MIR2052HG: variants seen among roughly 807,000 people sequenced by gnomAD.
MIR2052HG encodes MIR2052 host gene.
intron 2 of MIR2052HG, among the ~76,000 whole-genome samples, chr8:74,672,921 A>C (rs1809008247): frequency 6.6e-6 from 1 of 152,032 alleles, no homozygotes; most frequent in African/African-American, 2.4e-5. Flanking sequence ...GCAGTGGAGT[A>C]AGTTCCATGC....
intron 4 of MIR2052HG, among the ~76,000 whole-genome samples, chr8:74,738,019 A>G (rs1374163268): frequency 1.3e-5 from 2 of 152,062 alleles, no homozygotes; most frequent in Non-Finnish European, 2.9e-5. Context: ...TTATCTATGT[A>G]TGTATATATC....
chr8:74,690,526 T>C (rs1003297957), intron 2 of MIR2052HG, among the ~76,000 whole-genome samples: 16 of 152,014 alleles, frequency 1.1e-4, no homozygotes, highest in Admixed American at 5.2e-4. Context: ...CGGGCGCCTG[T>C]AGTCCCAGCT....
At chr8:74,672,617 A>G (rs1173482580) in intron 2 of MIR2052HG, among the ~76,000 whole-genome samples, 1 of 152,092 alleles carries the variant, frequency 6.6e-6, no homozygotes, top group Non-Finnish European at 1.5e-5. Flanking sequence ...GAACACTGAC[A>G]GGCAGCAATG....
intron 2 of MIR2052HG, among the ~76,000 whole-genome samples, chr8:74,696,803 G>T (rs1285994663): frequency 6.6e-6 from 1 of 151,342 alleles, no homozygotes; most frequent in Non-Finnish European, 1.5e-5. Context: ...CCAGTAGCAA[G>T]CAGCAAGATT....
chr8:74,675,922 G>T (rs561552262), intron 2 of MIR2052HG, among the ~76,000 whole-genome samples: 1 of 152,026 alleles, frequency 6.6e-6, no homozygotes, highest in African/African-American at 2.4e-5. Flanking sequence ...AATTTACAAT[G>T]TATTAATTTG....
At chr8:74,655,962 G>C (rs1333466503) in intron 2 of MIR2052HG, among the ~76,000 whole-genome samples, 3 of 152,192 alleles carry the variant, frequency 2.0e-5, no homozygotes, top group Non-Finnish European at 2.9e-5. Flanking sequence ...GCATCAGCAT[G>C]ACCTGGATGT....
intron 2 of MIR2052HG, among the ~76,000 whole-genome samples, chr8:74,625,057 C>A (rs1370440251): frequency 6.6e-6 from 1 of 151,904 alleles, no homozygotes; most frequent in Non-Finnish European, 1.5e-5. Flanking sequence ...TGTTATGGAA[C>A]CTGAATACCT....
chr8:74,632,397 C>A (rs1808523963), intron 2 of MIR2052HG: 1 of 152,108 alleles, frequency 6.6e-6, no homozygotes, highest in African/African-American at 2.4e-5. Flanking sequence ...CCCGCAGTTT[C>A]TTTCAGGGGA....
intron 4 of MIR2052HG, among the ~76,000 whole-genome samples, chr8:74,705,310 A>T (rs1809399305): frequency 6.6e-6 from 1 of 152,084 alleles, no homozygotes; most frequent in African/African-American, 2.4e-5. Flanking sequence ...GTAAAATTAA[A>T]AGTATTTAAC....
chr8:74,741,745 C>A (rs1809833812), intron 4 of MIR2052HG, among the ~76,000 whole-genome samples: 1 of 152,138 alleles, frequency 6.6e-6, no homozygotes, highest in Admixed American at 6.6e-5. Context: ...GTGTAAGGCA[C>A]GTCACAGCCT....
chr8:74,710,942 C>G (rs1809461234), intron 4 of MIR2052HG, among the ~76,000 whole-genome samples: 1 of 152,188 alleles, frequency 6.6e-6, no homozygotes, highest in East Asian at 1.9e-4. Context: ...CAAACTGTGC[C>G]CCACGTTTTG....
chr8:74,727,819 G>C (rs576867699), intron 4 of MIR2052HG, among the ~76,000 whole-genome samples: 2 of 152,296 alleles, frequency 1.3e-5, no homozygotes, highest in African/African-American at 4.8e-5. Flanking sequence ...TGATTCTTGG[G>C]TGTGGTGACA....
chr8:74,714,618 AG>A (rs1278408051), intron 4 of MIR2052HG, among the ~76,000 whole-genome samples: 2 of 151,550 alleles, frequency 1.3e-5, no homozygotes, highest in Admixed American at 1.3e-4. Flanking sequence ...CTAGAATTTC[AG>A]GGTGTGAGGA....
intron 2 of MIR2052HG, among the ~76,000 whole-genome samples, chr8:74,655,141 T>C (rs960329086): frequency 1.3e-5 from 2 of 152,118 alleles, no homozygotes; most frequent in African/African-American, 4.8e-5. Context: ...AGAGGTGACT[T>C]TGGTGCTGTT....
Position 74,732,753 on chromosome 8 carries a change from G to T in MIR2052HG, n.372-19688G>T, listed in dbSNP as rs1181962340. The stretch of plus-strand genomic sequence containing the variant: ...TGCCATGTGACTATCAAGGGAGGAG[G>T]GAATAGGTAGAGGGGACATCAGTCA... On this transcript the variant is annotated intron_variant and non_coding_transcript_variant, in intron 4 of 6. Coordinates refer to ENST00000523442, the Ensembl canonical transcript of MIR2052HG. 2.0e-5 allele frequency among the ~76,000 whole-genome samples: 3 copies of T among 152,102 alleles called. No homozygotes were observed. The East Asian group carries it at 5.8e-4, about 29-fold the overall frequency.
intron 4 of MIR2052HG, among the ~76,000 whole-genome samples, chr8:74,744,242 A>T (rs992288314): frequency 1.3e-5 from 2 of 151,706 alleles, no homozygotes; most frequent in African/African-American, 2.4e-5. Flanking sequence ...ATCTTTTTTT[A>T]AATTTTTTTA....
At chr8:74,705,477 T>A (rs1339696879) in intron 4 of MIR2052HG, among the ~76,000 whole-genome samples, 1 of 152,072 alleles carries the variant, frequency 6.6e-6, no homozygotes, top group African/African-American at 2.4e-5. Flanking sequence ...ACCACTACTC[T>A]GGCTGAATTT....
At chr8:74,665,685 T>A (rs1043885671) in intron 2 of MIR2052HG, among the ~76,000 whole-genome samples, 35 of 152,178 alleles carry the variant, frequency 2.3e-4, no homozygotes, top group African/African-American at 8.0e-4. Context: ...CTCACTTCTA[T>A]TATAATACTT....
chr8:74,614,715 A>C (rs1347293418), intron 2 of MIR2052HG, among the ~76,000 whole-genome samples: 1 of 152,070 alleles, frequency 6.6e-6, no homozygotes, highest in Non-Finnish European at 1.5e-5. Flanking sequence ...CAATTTAAAA[A>C]ATATATGCTA....
Sources: gnomAD v4.1 joint callset for allele counts (sites outside exome capture counted in the v4.1 genomes callset) on GRCh38, gnomAD v4.1.1 for gene constraint, MANE v1.5 for transcripts, NCBI Gene and HGNC (gene_info 2026-07-23, HGNC 2026-07-21) for gene names.